ENTPD5: variants seen among roughly 807,000 people sequenced by gnomAD.
ENTPD5 encodes the protein nucleoside diphosphate phosphatase ENTPD5.
A neutral mutation model predicts 60.2 loss-of-function variants in ENTPD5; 49 were observed. The ratio of observed to expected loss-of-function variants is 0.81; its 90% CI spans 0.65 to 1.03. The LOEUF is 1.03. Ranked by LOEUF, ENTPD5 falls within the 50% of genes least tolerant of loss-of-function variation. The pLI, the probability that ENTPD5 is intolerant of heterozygous loss-of-function variation, is 0.00. For missense variants in ENTPD5, 480 were observed against 507.6 expected (o/e 0.95, Z 0.52); for synonymous variants, 187 against 185.4 (o/e 1.01, Z -0.07).
In ENTPD5 at chr14:74,003,492, C is replaced by T. The variant is rs543363754; in HGVS notation, c.-71+7599G>A. ...CAAGTAAACCGCTAGCTTGTTGCAC[C>T]GTGGAGGCCACACAGGAGCAGAAAC... On this transcript the variant is annotated intron_variant, in intron 3 of 15. Transcript: ENST00000334696. The T allele has an allele frequency of 1.1e-5, 16 of 1,408,644 alleles. No individual in the cohort carries two copies. The Admixed American group carries it at 2.4e-4, about 21-fold the overall frequency. 87.3% of individuals were successfully genotyped at this position (1,408,644 alleles called of 1,614,324 possible).
intron 10 of ENTPD5, 99 bp from the exon 11 acceptor site, chr14:73,975,084 A>G: frequency 1.1e-6 from 1 of 934,802 alleles, no homozygotes; most frequent in Non-Finnish European, 1.7e-6. Flanking sequence ...GTCCCTCTGG[A>G]AAGATGAAAA....
chr14:73,967,913 T>C (rs2057055216), intron 15 of ENTPD5, among the ~76,000 whole-genome samples: 1 of 151,182 alleles, frequency 6.6e-6, no homozygotes, highest in Admixed American at 6.6e-5. Flanking sequence ...TCACCTGAGA[T>C]CAGAAGTTTG....
At chr14:73,958,209 A>C (rs1473661252), downstream of ENTPD5, 1 of 1,613,970 alleles carries the variant, frequency 6.2e-7, no homozygotes, top group Admixed American at 1.7e-5. Context: ...TCCATTTCCT[A>C]TGGCCGACTC....
rs1022479212 is a variant in ENTPD5, at chr14:73,987,983, G to A, written c.120C>T (p.Pro40=). 3.7e-6 allele frequency: 6 copies of A among 1,614,130 alleles called. No individual in the cohort carries two copies. The highest frequency in any genetic ancestry group is 1.1e-5 in the South Asian group (1 of 91,060). Residue 40 remains proline, a synonymous_variant, in exon 4 of 16, where the codon CCC becomes CCT. Transcript: ENST00000334696. ...ACAAGGTGCTGGCGCTGACATTGATGGGGCACATGGAAGACAGGAAGATAC... is the reference window on the plus strand; with the variant it reads ...ACAAGGTGCTGGCGCTGACATTGATAGGGCACATGGAAGACAGGAAGATAC... ...FEGIFLSSMC[P]INVSASTLYG... is the part of the protein sequence containing the mutation.
At position 73,973,958 on chromosome 14, in the gene ENTPD5, G is replaced by A. The variant is rs753301444; in HGVS notation, c.805C>T (p.Arg269Trp). 3.0e-5 allele frequency: 48 copies of A among 1,613,912 alleles called. No homozygotes were observed. Among genetic ancestry groups the A allele is most frequent in the Middle Eastern group, 1.6e-4 (1 of 6,084 alleles). ...ETEGTDGHTFRSACLPRWLEA... is the reference protein window; with the variant it reads ...ETEGTDGHTFWSACLPRWLEA... ...AACCATCTCGGTAAACAGGCACTCCGGAAAGTGTGCCCATCAGTCCCTGAA... is the reference window on the plus strand; with the variant it reads ...AACCATCTCGGTAAACAGGCACTCCAGAAAGTGTGCCCATCAGTCCCTGAA... The change falls in exon 12 of 16, where the codon CGG (arginine) becomes TGG (tryptophan). Residue 269 changes from arginine to tryptophan, a missense_variant. Physicochemically the swap from Arg to Trp is moderately radical, Grantham distance 101. Coordinates refer to ENST00000334696, the MANE Select transcript of ENTPD5 (RefSeq NM_001249.5).
chr14:74,008,813 A>G (rs1398379488), intron 3 of ENTPD5: 1 of 152,216 alleles, frequency 6.6e-6, no homozygotes, highest in Non-Finnish European at 1.5e-5. Flanking sequence ...TTATAGGCTT[A>G]TACCACCATG....
chr14:74,000,087 CAAA>C (rs34536315), intron 3 of ENTPD5, among the ~76,000 whole-genome samples: 4 of 76,040 alleles, frequency 5.3e-5, no homozygotes, highest in Admixed American at 1.4e-4. Flanking sequence ...GACTCCATCT[CAAA>C]AAAAAAAAAA....
downstream of ENTPD5, chr14:73,960,651 C>T (rs948556577): frequency 6.0e-6 from 6 of 997,606 alleles, no homozygotes; most frequent in African/African-American, 5.1e-5. Flanking sequence ...GAACAGTCTC[C>T]GCTTTCAGGA....
downstream of ENTPD5, among the ~76,000 whole-genome samples, chr14:73,957,145 T>C (rs2056476623): frequency 6.6e-6 from 1 of 151,940 alleles, no homozygotes; most frequent in Middle Eastern, 3.4e-3. Flanking sequence ...TCGCCCAGGC[T>C]GGAGTGCAGT....
intron 12 of ENTPD5, 50 bp downstream of exon 12, chr14:73,973,827 A>C: frequency 2.3e-5 from 35 of 1,523,686 alleles, no homozygotes; most frequent in Non-Finnish European, 2.9e-5. Context: ...GGACTTTTCC[A>C]GAGCTTCCAT....
downstream of ENTPD5, chr14:73,955,438 C>T (rs767343318): frequency 6.2e-7 from 1 of 1,613,078 alleles, no homozygotes; most frequent in Admixed American, 1.7e-5. Context: ...TCTATAGATC[C>T]TTTCTTTTGT....
At chr14:74,011,617 C>T (rs1030737696) in intron 2 of ENTPD5, among the ~76,000 whole-genome samples, 3 of 151,946 alleles carry the variant, frequency 2.0e-5, no homozygotes, top group Non-Finnish European at 2.9e-5. Flanking sequence ...GGCAATGTGG[C>T]GAAACTCCAT....
At position 73,977,261 on chromosome 14, in the gene ENTPD5, CCCTCTCCCCCTGGAACGCATATCAACA is replaced by C. The variant is rs774422946; in HGVS notation, c.517+11_517+37del. ...TAGTTAGATCTTTCACTGATCCTGC[CCCTCTCCCCCTGGAACGCATATCAACA>C]CCTCTCCCACCTTCGTCGGATCCAT... On this transcript the variant is annotated intron_variant, in intron 7 of 15. Coordinates refer to ENST00000334696, the MANE Select transcript of ENTPD5 (RefSeq NM_001249.5). 2.6e-6 allele frequency: 4 copies of C among 1,513,820 alleles called. No individual in the cohort carries two copies. The South Asian group carries it at 4.6e-5, about 17-fold the overall frequency. The allele number at this position is 1,513,820 out of a possible 1,614,324, so 93.8% of individuals were successfully genotyped here. A position where few individuals can be genotyped will look rare whatever the true frequency, so the allele number is the denominator to read the frequency against.
intron 2 of ENTPD5, among the ~76,000 whole-genome samples, chr14:74,012,290 G>C (rs1555367772): frequency 7.3e-6 from 1 of 137,186 alleles, no homozygotes; most frequent in Non-Finnish European, 1.6e-5. Flanking sequence ...TTTTAGTAGA[G>C]AGGGGGGGGT....
Position 74,007,775 on chromosome 14 carries a change from T to C in ENTPD5, c.-71+3316A>G, listed in dbSNP as rs888560916. On this transcript the variant is annotated intron_variant, in intron 3 of 15. Transcript: ENST00000334696. ...GTTTGAAGCTGCCGTGAGCTGTGAT[T>C]GCACCACTGTACTCCAGCCTCGGTG... The C allele has an allele frequency of 4.0e-5, 6 of 150,606 alleles. No homozygotes were observed. In the Admixed American group the frequency reaches 4.0e-4, roughly 10 times the overall value. The allele number at this position is 150,606 out of a possible 1,614,324, so 9.3% of individuals were successfully genotyped here. A position where few individuals can be genotyped will look rare whatever the true frequency, so the allele number is the denominator to read the frequency against.
chr14:73,987,322 T>A (rs1280537993), intron 4 of ENTPD5, among the ~76,000 whole-genome samples: 1 of 152,194 alleles, frequency 6.6e-6, no homozygotes, highest in Non-Finnish European at 1.5e-5. Context: ...AAATTATAAC[T>A]ATTCTTTTTG....
intron 3 of ENTPD5, among the ~76,000 whole-genome samples, chr14:74,010,749 T>C (rs2058824859): frequency 6.6e-6 from 1 of 152,162 alleles, no homozygotes; most frequent in Admixed American, 6.6e-5. Context: ...CAGATTGCTA[T>C]CCTTTTTGAG....
chr14:73,997,073 G>T (rs1411300887), intron 3 of ENTPD5, among the ~76,000 whole-genome samples: 1 of 152,152 alleles, frequency 6.6e-6, no homozygotes, highest in African/African-American at 2.4e-5. Flanking sequence ...CTTGGAAGGG[G>T]AAAGGTGAAG....
intron 6 of ENTPD5, among the ~76,000 whole-genome samples, chr14:73,982,111 G>T (rs559575666): frequency 1.3e-5 from 2 of 152,294 alleles, no homozygotes; most frequent in East Asian, 3.9e-4. Flanking sequence ...GTCTCGCTCT[G>T]TTGCGCAGGC....
Sources: allele counts gnomAD v4.1 joint callset (sites outside exome capture counted in the v4.1 genomes callset), GRCh38; gene constraint gnomAD v4.1.1; transcripts MANE v1.5; gene names NCBI Gene and HGNC (gene_info 2026-07-23, HGNC 2026-07-21).